The following CPQ variants were observed in gnomAD, a reference collection of about 807,000 sequenced individuals.
The protein encoded by CPQ is Ser-Met dipeptidase.
A neutral mutation model predicts 45.7 loss-of-function variants in CPQ; 37 were observed. The observed-to-expected ratio is 0.81, with a 90% CI of 0.62 to 1.07. The LOEUF (loss-of-function observed/expected upper bound fraction) is 1.07. Ranked by LOEUF, CPQ falls within the 50% of genes least tolerant of loss-of-function variation. The probability of loss-of-function intolerance (pLI) is 0.00; values close to 1 mark genes in which losing one functional copy is unlikely to be tolerated. For synonymous variants in CPQ, 186 were observed against 205.8 expected (o/e 0.90, Z 0.82); for missense variants, 537 against 572.9 (o/e 0.94, Z 0.64).
chr8:96,854,552 AAAAAAAAT>A (rs1563513677), intron 3 of CPQ, among the ~76,000 whole-genome samples: 1 of 127,882 alleles, frequency 7.8e-6, no homozygotes, highest in African/African-American at 2.9e-5. Flanking sequence ...AAAAAAAAAA[AAAAAAAAT>A]GTGGTGGAAC....
chr8:96,853,734 A>G (rs1811803765), intron 3 of CPQ, among the ~76,000 whole-genome samples: 1 of 152,226 alleles, frequency 6.6e-6, no homozygotes, highest in African/African-American at 2.4e-5. Context: ...TAAATAGTAT[A>G]GGCTAAAGTG....
At chr8:96,780,412 A>G (rs1272676206) in intron 1 of CPQ, among the ~76,000 whole-genome samples, 1 of 152,192 alleles carries the variant, frequency 6.6e-6, no homozygotes, top group Non-Finnish European at 1.5e-5. Flanking sequence ...GAGTTATGAA[A>G]GAGCCTGTGC....
chr8:96,899,137 A>G (rs1812482577), intron 4 of CPQ, among the ~76,000 whole-genome samples: 1 of 152,184 alleles, frequency 6.6e-6, no homozygotes, highest in African/African-American at 2.4e-5. Context: ...TAGGGTGCTG[A>G]GATGGAAAAA....
At chr8:96,891,103 A>G (rs1483741271) in intron 4 of CPQ, among the ~76,000 whole-genome samples, 2 of 152,236 alleles carry the variant, frequency 1.3e-5, no homozygotes, top group African/African-American at 2.4e-5. Context: ...AGACCAGTGA[A>G]TTCCATGAGC....
At chr8:96,838,671 C>T (rs975376982) in intron 3 of CPQ, among the ~76,000 whole-genome samples, 1 of 151,894 alleles carries the variant, frequency 6.6e-6, no homozygotes, top group African/African-American at 2.4e-5. Context: ...TATTTTTTAA[C>T]CTCTGGATTC....
intron 7 of CPQ, among the ~76,000 whole-genome samples, chr8:97,091,890 G>A (rs901571247): frequency 1.3e-5 from 2 of 152,066 alleles, no homozygotes; most frequent in African/African-American, 2.4e-5. Context: ...ATGGCAGAGA[G>A]AGAGAGAGAG....
chr8:96,667,637 C>G (rs1157769345), intron 1 of CPQ, among the ~76,000 whole-genome samples: 1 of 152,090 alleles, frequency 6.6e-6, no homozygotes, highest in Non-Finnish European at 1.5e-5. Flanking sequence ...GTGTGAGCCA[C>G]CGCACCTGGC....
At chr8:97,112,403 A>G (rs1811513003) in intron 7 of CPQ, among the ~76,000 whole-genome samples, 1 of 152,304 alleles carries the variant, frequency 6.6e-6, no homozygotes, top group East Asian at 1.9e-4. Context: ...CTGACCCATA[A>G]GCTGATGAGA....
intron 1 of CPQ, among the ~76,000 whole-genome samples, chr8:96,672,061 A>G (rs557658672): frequency 3.3e-5 from 5 of 150,216 alleles, no homozygotes; most frequent in East Asian, 1.9e-4. Flanking sequence ...TCTCTGTGCA[A>G]TGTCCAACAC....
At chr8:97,079,177 C>A (rs1308700017) in intron 7 of CPQ, among the ~76,000 whole-genome samples, 2 of 152,012 alleles carry the variant, frequency 1.3e-5, no homozygotes, top group African/African-American at 4.8e-5. Flanking sequence ...TCTAATTTTT[C>A]TTTATAATGT....
rs1304191218 is a variant in CPQ at position 97,143,085 on chromosome 8, A to G, written c.1321A>G (p.Thr441Ala). ...FFHHSHGDTM[T>A]VMDPKQMNVA... The stretch of plus-strand genomic sequence containing the variant: ...CCATCACTCCCACGGAGACACCATG[A>G]CTGTCATGGATCCAAAGCAGATGAA... The change falls in exon 8 of 8, where the codon ACT (threonine) becomes GCT (alanine). Residue 441 changes from threonine to alanine, a missense_variant. Physicochemically the swap from Thr to Ala is moderately conservative, Grantham distance 58. Transcript: ENST00000220763. 4 of 1,613,942 alleles carry G rather than the reference A, an allele frequency of 2.5e-6. No homozygotes were observed. The East Asian group carries it at 8.9e-5, about 36-fold the overall frequency.
At chr8:96,743,816 G>A (rs940000628) in intron 1 of CPQ, among the ~76,000 whole-genome samples, 5 of 152,232 alleles carry the variant, frequency 3.3e-5, no homozygotes, top group Non-Finnish European at 7.3e-5. Context: ...ACCCACTTGC[G>A]GAGGCAGTCT....
chr8:96,845,507 A>AT (rs924391979), intron 3 of CPQ, among the ~76,000 whole-genome samples: 3 of 152,066 alleles, frequency 2.0e-5, no homozygotes, highest in Non-Finnish European at 4.4e-5. Context: ...AGCACCACAG[A>AT]TTTTTTTCTC....
intron 2 of CPQ, among the ~76,000 whole-genome samples, chr8:96,806,460 G>C (rs1014980541): frequency 2.2e-4 from 34 of 152,154 alleles, no homozygotes; most frequent in African/African-American, 7.5e-4. Context: ...AGACAGACTT[G>C]TACAAGCATA....
At chr8:96,675,826 GTT>G (rs1192606967) in intron 1 of CPQ, among the ~76,000 whole-genome samples, 3 of 151,808 alleles carry the variant, frequency 2.0e-5, no homozygotes, top group Non-Finnish European at 4.4e-5. Context: ...TCTATGAACT[GTT>G]TATATATTTT....
chr8:96,744,175 C>A (rs563110412), intron 1 of CPQ, among the ~76,000 whole-genome samples: 1 of 152,234 alleles, frequency 6.6e-6, no homozygotes, highest in African/African-American at 2.4e-5. Flanking sequence ...ATATAATCTC[C>A]TGGTTCGCCG....
intron 1 of CPQ, among the ~76,000 whole-genome samples, chr8:96,670,463 G>T (rs1305922407): frequency 1.3e-5 from 2 of 152,042 alleles, no homozygotes; most frequent in Non-Finnish European, 2.9e-5. Context: ...AGGATAGATG[G>T]TGTCATGCAA....
chr8:96,875,464 GT>G (rs1302944308), intron 3 of CPQ, among the ~76,000 whole-genome samples: 1 of 151,862 alleles, frequency 6.6e-6, no homozygotes, highest in Non-Finnish European at 1.5e-5. Context: ...TTTTGAAATT[GT>G]TTTGTCTATG....
chr8:96,702,151 G>A (rs1490849418), intron 1 of CPQ, among the ~76,000 whole-genome samples: 1 of 152,218 alleles, frequency 6.6e-6, no homozygotes, highest in Non-Finnish European at 1.5e-5. Context: ...TTGGCCTGTG[G>A]ACGGTTGGTT....
Sources: allele counts gnomAD v4.1 joint callset (sites outside exome capture counted in the v4.1 genomes callset), GRCh38; gene constraint gnomAD v4.1.1; transcripts MANE v1.5; gene names NCBI Gene and HGNC (gene_info 2026-07-23, HGNC 2026-07-21).